The following NOL4L variants were observed in gnomAD, a reference collection of about 807,000 sequenced individuals.
NOL4L encodes the protein nucleolar protein 4 like, also known as nucleolar protein 4-like.
Under a neutral mutation model 64.5 loss-of-function variants are expected in NOL4L, and 7 were observed. The ratio of observed to expected loss-of-function variants is 0.11; its 90% CI spans 0.06 to 0.20. The LOEUF (loss-of-function observed/expected upper bound fraction) is 0.20, where lower values mean the gene tolerates loss of function less well. Ranked by LOEUF, NOL4L falls within the 10% of genes least tolerant of loss-of-function variation. The pLI, the probability that NOL4L is intolerant of heterozygous loss-of-function variation, is 1.00. For missense variants in NOL4L, 680 were observed against 967.1 expected (o/e 0.70, Z 3.94); for synonymous variants, 413 against 401.0 (o/e 1.03, Z -0.36).
intron 1 of NOL4L, among the ~76,000 whole-genome samples, chr20:32,547,908 G>A (rs2018752643): frequency 1.3e-5 from 2 of 152,092 alleles, no homozygotes; most frequent in South Asian, 4.1e-4. Context: ...GACACACACT[G>A]TCCCCTCTGC....
chr20:32,456,860 C>T (rs900103012), intron 5 of NOL4L, among the ~76,000 whole-genome samples: 2 of 152,246 alleles, frequency 1.3e-5, no homozygotes, highest in Non-Finnish European at 1.5e-5. Flanking sequence ...AGCCCCTGCC[C>T]ACGGTGGGCC....
At chr20:32,533,569 T>C (rs1314448512) in intron 1 of NOL4L, 1 of 152,218 alleles carries the variant, frequency 6.6e-6, no homozygotes, top group Non-Finnish European at 1.5e-5. Flanking sequence ...TCATTTCCGA[T>C]GAAGGCCAAT....
At chr20:32,505,147 T>A (rs2017089698) in intron 4 of NOL4L, among the ~76,000 whole-genome samples, 1 of 152,146 alleles carries the variant, frequency 6.6e-6, no homozygotes, top group Admixed American at 6.5e-5. Flanking sequence ...ACCCCATGAG[T>A]CAGCACTGTT....
chr20:32,562,040 A>G (rs1461484056), intron 1 of NOL4L, among the ~76,000 whole-genome samples: 1 of 152,154 alleles, frequency 6.6e-6, no homozygotes, highest in African/African-American at 2.4e-5. Context: ...GCAAGTGCTC[A>G]ATGAAAGACC....
In NOL4L at chr20:32,445,183, AC is replaced by A. The variant is rs1397333777; in HGVS notation, c.*2412del. ...TTTCTCTTGAAAACACATTGAACCT[AC>A]GCTCTTGCCGCAGTACTAAGGCAGG... On this transcript the variant is annotated 3_prime_UTR_variant, in exon 11 of 11. Transcript: ENST00000621426. The A allele has an allele frequency of 6.6e-6, 1 of 152,214 alleles. No homozygotes were observed. Among genetic ancestry groups the A allele is most frequent in the African/African-American group, 2.4e-5 (1 of 41,454 alleles). 9.4% of individuals were successfully genotyped at this position (152,214 alleles called of 1,614,324 possible). A position where few individuals can be genotyped will look rare whatever the true frequency, so the allele number is the denominator to read the frequency against.
rs1183317011 is a variant in NOL4L, at chr20:32,453,049, G to A, written c.1498-43C>T. 6.2e-7 allele frequency: 1 copy of A among 1,608,244 alleles called. No individual in the cohort carries two copies. The highest frequency in any genetic ancestry group is 2.2e-5 in the East Asian group (1 of 44,868). The stretch of plus-strand genomic sequence containing the variant: ...ATGGAGCTAGCATGGGGCCCGTGGG[G>A]GCCCTGGGCTTGTGCAGAGACCCTG... On this transcript the variant is annotated intron_variant, in intron 8 of 10. Transcript: ENST00000621426. The surrounding 1 kb of genome is among the most constrained non-coding windows in gnomAD (Gnocchi z 5.6).
intron 5 of NOL4L, among the ~76,000 whole-genome samples, chr20:32,471,658 G>A (rs1403959718): frequency 6.6e-6 from 1 of 152,186 alleles, no homozygotes; most frequent in African/African-American, 2.4e-5. Context: ...CAAATCTCAT[G>A]GTGAAATGTG....
intron 4 of NOL4L, chr20:32,486,791 GA>G: frequency 2.1e-6 from 1 of 471,086 alleles, no homozygotes; most frequent in Middle Eastern, 3.2e-4. Context: ...CTCGGCTCCT[GA>G]AGGGAGGCAC....
rs746932554 is a variant in NOL4L, at chr20:32,453,545, C to T, written c.1305+31G>A. The T allele has an allele frequency of 6.2e-7, 1 of 1,613,556 alleles. No homozygotes were observed. On this transcript the variant is annotated intron_variant, in intron 7 of 10. Coordinates refer to ENST00000621426, the MANE Select transcript of NOL4L (RefSeq NM_001256798.2). The surrounding 1 kb of genome is among the most constrained non-coding windows in gnomAD (Gnocchi z 5.6). ...GGGCTGGCCCTGGCCTTGCCCCCAT[C>T]CCACCCCACCTGTTTCCGGCCGGTG...
chr20:32,537,990 G>A (rs974524221), intron 1 of NOL4L, among the ~76,000 whole-genome samples: 4 of 152,152 alleles, frequency 2.6e-5, no homozygotes, highest in African/African-American at 9.7e-5. Flanking sequence ...TGTTGGCCAG[G>A]CTGGTCTCGA....
intron 1 of NOL4L, among the ~76,000 whole-genome samples, chr20:32,574,901 GTT>G (rs1979996571): frequency 6.6e-6 from 1 of 151,950 alleles, no homozygotes; most frequent in Non-Finnish European, 1.5e-5. Context: ...CTGCACCCCG[GTT>G]TCCTAAACCA....
chr20:32,578,024 A>G (rs1050913653), intron 1 of NOL4L, among the ~76,000 whole-genome samples: 8 of 151,976 alleles, frequency 5.3e-5, no homozygotes, highest in Admixed American at 6.6e-5. Context: ...ATATGATTAC[A>G]GTTCCATTTT....
Position 32,452,967 on chromosome 20 carries a change from C to T in NOL4L, c.1537G>A (p.Glu513Lys). The change falls in exon 9 of 11, where the codon GAA becomes AAA. Residue 513 changes from glutamate (E) to lysine (K), a missense_variant. Glu to Lys is a moderately conservative substitution (Grantham distance 56). Around this residue, in one of 4 missense-constraint regions of NOL4L, gnomAD observed 70 missense variants for 166.1 expected, o/e 0.42. Transcript: ENST00000621426. ...TPPHLTSAMA[E>K]NILAAACESE... ...TCACAGGCAGCTGCCAGGATGTTTTCTGCCATGGCCGAGGTCAGATGGGGT... is the reference window on the plus strand; with the variant it reads ...TCACAGGCAGCTGCCAGGATGTTTTTTGCCATGGCCGAGGTCAGATGGGGT... 1 of 1,614,006 alleles carries T rather than the reference C, an allele frequency of 6.2e-7. No homozygotes were observed. The highest frequency in any genetic ancestry group is 8.5e-7 in the Non-Finnish European group (1 of 1,180,016).
chr20:32,467,813 C>T (rs1183552376), intron 5 of NOL4L, among the ~76,000 whole-genome samples: 5 of 152,184 alleles, frequency 3.3e-5, no homozygotes, highest in Non-Finnish European at 5.9e-5. Context: ...TCTGTGTGCC[C>T]CCACACTTCC....
intron 4 of NOL4L, among the ~76,000 whole-genome samples, chr20:32,498,012 G>C (rs1020236149): frequency 9.9e-5 from 15 of 152,204 alleles, no homozygotes; most frequent in Non-Finnish European, 1.9e-4. Context: ...TTTTCCCCCA[G>C]ATAATAAAGT....
chr20:32,479,963 C>T (rs1022149900), intron 4 of NOL4L, among the ~76,000 whole-genome samples: 8 of 152,344 alleles, frequency 5.3e-5, no homozygotes, highest in African/African-American at 1.9e-4. Flanking sequence ...GCTTCTGAGG[C>T]CCTTCCTCTT....
At chr20:32,531,542 G>A (rs943202586) in intron 1 of NOL4L, among the ~76,000 whole-genome samples, 1 of 151,976 alleles carries the variant, frequency 6.6e-6, no homozygotes, top group Non-Finnish European at 1.5e-5. Flanking sequence ...TAGGAGAGAT[G>A]GCGTTTCACC....
At chr20:32,480,672 C>T (rs766185323) in intron 4 of NOL4L, among the ~76,000 whole-genome samples, 10 of 152,174 alleles carry the variant, frequency 6.6e-5, no homozygotes, top group East Asian at 1.9e-4. Context: ...GGTACTGAAC[C>T]GCATGTGACC....
intron 4 of NOL4L, chr20:32,475,040 A>T (rs2015296278): frequency 1.0e-6 from 1 of 985,298 alleles, no homozygotes; most frequent in African/African-American, 1.7e-5. Context: ...TACCCTTGTG[A>T]GCCAAGGTTG....
Sources: allele counts gnomAD v4.1 joint callset (sites outside exome capture counted in the v4.1 genomes callset), GRCh38; gene constraint gnomAD v4.1.1; regional missense constraint gnomAD v4.1.1; non-coding constraint Gnocchi (gnomAD v3.1); transcripts MANE v1.5; gene names NCBI Gene and HGNC (gene_info 2026-07-23, HGNC 2026-07-21).